The following UBAC2 variants were observed in gnomAD, a reference collection of about 807,000 sequenced individuals.
UBAC2 encodes UBA domain containing 2.
UBAC2 carries 26 observed loss-of-function variants against 44.0 expected under a neutral mutation model. The ratio of observed to expected loss-of-function variants is 0.59; its 90% CI spans 0.43 to 0.82. The LOEUF is 0.82. Ranked by LOEUF, UBAC2 falls within the 40% of genes least tolerant of loss-of-function variation. The probability of loss-of-function intolerance (pLI) is 0.00; values close to 1 mark genes in which losing one functional copy is unlikely to be tolerated. For synonymous variants in UBAC2, 155 were observed against 154.3 expected (o/e 1.00, Z -0.04); for missense variants, 329 against 419.4 (o/e 0.78, Z 1.88).
At chr13:99,333,421 A>G (rs948413970) in intron 6 of UBAC2, among the ~76,000 whole-genome samples, 2 of 152,252 alleles carry the variant, frequency 1.3e-5, no homozygotes, top group African/African-American at 4.8e-5. Flanking sequence ...AAGAATGCAT[A>G]ACTTTCCAAT....
intron 7 of UBAC2, among the ~76,000 whole-genome samples, chr13:99,364,490 G>A (rs1467705974): frequency 6.6e-6 from 1 of 151,658 alleles, no homozygotes; most frequent in Non-Finnish European, 1.5e-5. Context: ...TAATGGCCTT[G>A]TCTAGTTTTG....
intron 4 of UBAC2, among the ~76,000 whole-genome samples, chr13:99,247,636 A>G (rs929820137): frequency 6.6e-6 from 1 of 152,154 alleles, no homozygotes; most frequent in African/African-American, 2.4e-5. Flanking sequence ...CCTAATGCAT[A>G]TGAGGCTTAA....
At chr13:99,253,410 T>A (rs2043485288) in intron 4 of UBAC2, among the ~76,000 whole-genome samples, 1 of 152,226 alleles carries the variant, frequency 6.6e-6, no homozygotes, top group African/African-American at 2.4e-5. Context: ...CTAAGAAGAT[T>A]GTCTAAGGGA....
intron 7 of UBAC2, among the ~76,000 whole-genome samples, chr13:99,363,238 G>A (rs1312141808): frequency 6.6e-6 from 1 of 152,076 alleles, no homozygotes; most frequent in East Asian, 1.9e-4. Flanking sequence ...TTTAATTACT[G>A]CAGTCTAATA....
chr13:99,212,260 AT>A (rs1257229276), intron 1 of UBAC2, among the ~76,000 whole-genome samples: 8 of 152,252 alleles, frequency 5.3e-5, no homozygotes, highest in African/African-American at 1.9e-4. Context: ...ATAATTTAGC[AT>A]TTTTGAAGTG....
intron 6 of UBAC2, among the ~76,000 whole-genome samples, chr13:99,335,764 G>C (rs1051070832): frequency 6.6e-6 from 1 of 152,138 alleles, no homozygotes; most frequent in Non-Finnish European, 1.5e-5. Flanking sequence ...CTCATGCAGG[G>C]CTGCAGTGGA....
intron 7 of UBAC2, among the ~76,000 whole-genome samples, chr13:99,340,799 C>A (rs2044874652): frequency 6.6e-6 from 1 of 152,152 alleles, no homozygotes; most frequent in Non-Finnish European, 1.5e-5. Flanking sequence ...CTTGTTCCAC[C>A]TATATTAGAT....
intron 8 of UBAC2, chr13:99,376,964 C>T (rs1412489883): frequency 6.6e-6 from 1 of 152,268 alleles, no homozygotes; most frequent in African/African-American, 2.4e-5. Context: ...GACGAAGTTG[C>T]AGTATGCAGC....
chr13:99,233,641 G>A (rs955035524), intron 1 of UBAC2, among the ~76,000 whole-genome samples: 87 of 152,232 alleles, frequency 5.7e-4, no homozygotes, highest in African/African-American at 1.8e-3. Context: ...AACTGATTGT[G>A]ACACATTGAC....
rs79432737 is a variant in UBAC2, at chr13:99,239,152, T to C, written c.159+598T>C. ...ACCCTTTCTTTGCTAAGCACTTGGT[T>C]AGCCCATTTTAAGCATAATAATCCA... On this transcript the variant is annotated intron_variant, in intron 2 of 8. Transcript: ENST00000403766. Among the ~76,000 whole-genome samples the C allele has an allele frequency of 8.2e-3, 1,250 of 152,346 alleles. 14 individuals carry two copies. The highest frequency in any genetic ancestry group is 0.028 in the African/African-American group (1,172 of 41,574).
intron 7 of UBAC2, among the ~76,000 whole-genome samples, chr13:99,361,579 T>C (rs1042281651): frequency 3.9e-5 from 6 of 152,212 alleles, no homozygotes; most frequent in Admixed American, 2.6e-4. Flanking sequence ...CTTTACTACA[T>C]ACATACTTAT....
At chr13:99,300,207 C>T (rs1192685995) in intron 4 of UBAC2, among the ~76,000 whole-genome samples, 1 of 152,216 alleles carries the variant, frequency 6.6e-6, no homozygotes, top group African/African-American at 2.4e-5. Flanking sequence ...CCAAGGGTAG[C>T]CTGTTGAGGG....
chr13:99,319,036 G>A (rs1052290456), intron 6 of UBAC2, among the ~76,000 whole-genome samples: 2 of 151,956 alleles, frequency 1.3e-5, no homozygotes, highest in South Asian at 2.1e-4. Flanking sequence ...ATTGTCACAC[G>A]AGGGAAAAAA....
intron 4 of UBAC2, among the ~76,000 whole-genome samples, chr13:99,313,676 G>A (rs1240084295): frequency 1.3e-5 from 2 of 152,126 alleles, no homozygotes; most frequent in Non-Finnish European, 2.9e-5. Context: ...AGGGCCAGAG[G>A]TGAACCGTGC....
intron 4 of UBAC2, among the ~76,000 whole-genome samples, chr13:99,288,293 A>G (rs552604150): frequency 6.6e-6 from 1 of 152,352 alleles, no homozygotes; most frequent in Admixed American, 6.5e-5. Flanking sequence ...GATCAGTTGC[A>G]GTAGGTGCCA....
At chr13:99,357,275 C>T (rs1362878584) in intron 7 of UBAC2, among the ~76,000 whole-genome samples, 2 of 152,180 alleles carry the variant, frequency 1.3e-5, no homozygotes, top group Non-Finnish European at 2.9e-5. Flanking sequence ...TCTGTAAGTA[C>T]ACAGCAACAA....
chr13:99,278,886 A>G (rs1013078308), intron 4 of UBAC2, among the ~76,000 whole-genome samples: 49 of 152,224 alleles, frequency 3.2e-4, no homozygotes, highest in Non-Finnish European at 5.9e-4. Context: ...CTCCAAGTCA[A>G]GGTAAAGCAA....
chr13:99,214,318 T>C (rs2042967507), intron 1 of UBAC2, among the ~76,000 whole-genome samples: 1 of 152,044 alleles, frequency 6.6e-6, no homozygotes, highest in African/African-American at 2.4e-5. Context: ...TTGGCCGTTC[T>C]TGTGCAGTCC....
chr13:99,279,479 T>C (rs1458000410), intron 4 of UBAC2, among the ~76,000 whole-genome samples: 2 of 152,214 alleles, frequency 1.3e-5, no homozygotes, highest in African/African-American at 2.4e-5. Context: ...TTCTTTCTTA[T>C]AGCACTCATC....
Sources: allele counts gnomAD v4.1 joint callset (sites outside exome capture counted in the v4.1 genomes callset), GRCh38; gene constraint gnomAD v4.1.1; transcripts MANE v1.5; gene names NCBI Gene and HGNC (gene_info 2026-07-23, HGNC 2026-07-21).